Variants in SAXO1 observed in about 807,000 individuals in gnomAD.
SAXO1 encodes the protein stabilizer of axonemal microtubules 1.
SAXO1 carries 21 observed loss-of-function variants against 17.5 expected under a neutral mutation model. The ratio of observed to expected loss-of-function variants is 1.20; its 90% CI spans 0.85 to 1.72. The LOEUF is 1.72. Ranked by LOEUF, SAXO1 falls within the 40% of genes most tolerant of loss-of-function variation. The probability of loss-of-function intolerance (pLI) is 0.00; values close to 1 mark genes in which losing one functional copy is unlikely to be tolerated. For synonymous variants in SAXO1, 274 were observed against 216.5 expected (o/e 1.27, Z -2.33); for missense variants, 843 against 596.0 (o/e 1.41, Z -4.32).
intron 1 of SAXO1, among the ~76,000 whole-genome samples, chr9:18,977,921 G>A (rs553741796): frequency 3.4e-5 from 5 of 145,970 alleles, no homozygotes; most frequent in Admixed American, 7.0e-5. Context: ...ACTTGAACCC[G>A]GGAGGCGGAG....
intron 3 of SAXO1, among the ~76,000 whole-genome samples, chr9:18,940,924 A>T (rs1327309507): frequency 2.0e-5 from 3 of 152,228 alleles, no homozygotes; most frequent in African/African-American, 7.2e-5. Context: ...AAACTAATTT[A>T]AAGTATTAAA....
At chr9:18,973,734 G>A (rs1415201948) in intron 1 of SAXO1, among the ~76,000 whole-genome samples, 2 of 152,196 alleles carry the variant, frequency 1.3e-5, no homozygotes, top group East Asian at 3.8e-4. Context: ...TCACTTGGGT[G>A]AAAAGAGACA....
At chr9:19,037,585 T>C (rs1835973359), upstream of SAXO1, among the ~76,000 whole-genome samples, 1 of 152,174 alleles carries the variant, frequency 6.6e-6, no homozygotes, top group Non-Finnish European at 1.5e-5. Flanking sequence ...ATGTAAGAAG[T>C]GCCTTTCACC....
intron 1 of SAXO1, 75 bp downstream of exon 1, chr9:19,032,796 T>A (rs1445349092): frequency 2.0e-6 from 3 of 1,531,554 alleles, no homozygotes; most frequent in Non-Finnish European, 2.7e-6. Flanking sequence ...ATGAAGCAGC[T>A]GGGGGAGGCT....
chr9:18,934,552 C>A (rs532713054), intron 3 of SAXO1, among the ~76,000 whole-genome samples: 2 of 152,158 alleles, frequency 1.3e-5, no homozygotes, highest in Non-Finnish European at 2.9e-5. Flanking sequence ...ATTTGATGAG[C>A]AATTGTTGTC....
At chr9:19,029,811 G>C (rs1246529188) in intron 1 of SAXO1, among the ~76,000 whole-genome samples, 1 of 152,172 alleles carries the variant, frequency 6.6e-6, no homozygotes, top group Non-Finnish European at 1.5e-5. Context: ...AATTGCCACA[G>C]CTGGCTACCA....
intron 1 of SAXO1, among the ~76,000 whole-genome samples, chr9:19,005,109 C>T (rs542792665): frequency 6.6e-6 from 1 of 152,228 alleles, no homozygotes; most frequent in African/African-American, 2.4e-5. Context: ...CAAAAAACTA[C>T]AAGACATTGC....
At chr9:19,034,099 G>C (rs1835871554), upstream of SAXO1, among the ~76,000 whole-genome samples, 1 of 152,132 alleles carries the variant, frequency 6.6e-6, no homozygotes, top group Admixed American at 6.5e-5. Flanking sequence ...CCAGTTGTTT[G>C]GACTTAAAAC....
At position 19,004,516 on chromosome 9, in the gene SAXO1, C is replaced by T. The variant is rs144174508; in HGVS notation, c.38+28355G>A. Among the ~76,000 whole-genome samples the T allele has an allele frequency of 4.7e-3, 711 of 152,316 alleles. 1 individual carries two copies. The highest frequency in any genetic ancestry group is 0.016 in the African/African-American group (666 of 41,556). On this transcript the variant is annotated intron_variant, in intron 1 of 3. Transcript: ENST00000380534. ...ATAAAGAAAATGTGACACATATACACCATGGAATACTATGCAGCCATAAAA... is the reference window on the plus strand; with the variant it reads ...ATAAAGAAAATGTGACACATATACATCATGGAATACTATGCAGCCATAAAA...
intron 1 of SAXO1, among the ~76,000 whole-genome samples, chr9:19,009,826 G>GTTTTT: frequency 1.8e-5 from 2 of 112,320 alleles, no homozygotes; most frequent in Non-Finnish European, 4.0e-5. Flanking sequence ...AAGTTTTGGG[G>GTTTTT]TTTTCTTTTT....
At chr9:18,962,961 G>C (rs532974747) in intron 1 of SAXO1, among the ~76,000 whole-genome samples, 3 of 152,224 alleles carry the variant, frequency 2.0e-5, no homozygotes, top group South Asian at 4.1e-4. Context: ...AATCCATCTT[G>C]AGTTAATTTT....
At position 18,941,632 on chromosome 9, in the gene SAXO1, C is replaced by A; in HGVS notation, c.421+5G>T. 2 of 1,614,122 alleles carry A rather than the reference C, an allele frequency of 1.2e-6. No individual in the cohort carries two copies. Among genetic ancestry groups the A allele is most frequent in the Non-Finnish European group, 8.5e-7 (1 of 1,180,004 alleles). On this transcript the variant is annotated splice_donor_5th_base_variant and intron_variant, in intron 3 of 3. Coordinates refer to ENST00000380534, the MANE Select transcript of SAXO1 (RefSeq NM_153707.4). The stretch of plus-strand genomic sequence containing the variant: ...CCCCCAATCTGCCCCTCTGTGCTCT[C>A]CCACCTTTATAAGTAGGCAAACACT...
intron 1 of SAXO1, among the ~76,000 whole-genome samples, chr9:19,026,241 AT>A (rs1835466990): frequency 6.6e-6 from 1 of 152,196 alleles, no homozygotes; most frequent in African/African-American, 2.4e-5. Flanking sequence ...ATCATTATGT[AT>A]CAATTTTTTA....
At chr9:19,012,245 T>C (rs1336456693) in intron 1 of SAXO1, among the ~76,000 whole-genome samples, 1 of 152,156 alleles carries the variant, frequency 6.6e-6, no homozygotes, top group African/African-American at 2.4e-5. Flanking sequence ...CTAGAGAAAA[T>C]AAGATTTAGA....
intron 1 of SAXO1, among the ~76,000 whole-genome samples, chr9:19,039,584 T>C (rs1045609860): frequency 1.3e-5 from 2 of 152,242 alleles, no homozygotes; most frequent in African/African-American, 4.8e-5. Context: ...AATTTTAGTA[T>C]GGTTTGAAGA....
At chr9:18,952,976 G>T (rs559818044) in intron 1 of SAXO1, among the ~76,000 whole-genome samples, 1 of 152,166 alleles carries the variant, frequency 6.6e-6, no homozygotes. Context: ...GTAAACCAAT[G>T]ACCCATCGCC....
chr9:19,044,424 G>C (rs1052693889), intron 1 of SAXO1, among the ~76,000 whole-genome samples: 1 of 152,126 alleles, frequency 6.6e-6, no homozygotes, highest in South Asian at 2.1e-4. Flanking sequence ...TTGAACACAC[G>C]CATTTATCTT....
chr9:18,931,436 C>T (rs1344932523), intron 3 of SAXO1, among the ~76,000 whole-genome samples: 1 of 152,156 alleles, frequency 6.6e-6, no homozygotes, highest in Non-Finnish European at 1.5e-5. Flanking sequence ...GTTGTTTCTA[C>T]TCCTTGGCTA....
At chr9:18,964,207 A>T (rs926345527) in intron 1 of SAXO1, among the ~76,000 whole-genome samples, 1 of 152,204 alleles carries the variant, frequency 6.6e-6, no homozygotes, top group South Asian at 2.1e-4. Context: ...ATTAACGTTC[A>T]TCAGGGATAT....
Sources: gnomAD v4.1 joint callset for allele counts (sites outside exome capture counted in the v4.1 genomes callset) on GRCh38, gnomAD v4.1.1 for gene constraint, MANE v1.5 for transcripts, NCBI Gene and HGNC (gene_info 2026-07-23, HGNC 2026-07-21) for gene names.